The following NSMAF variants were observed in gnomAD, a reference collection of about 807,000 sequenced individuals.
NSMAF encodes neutral sphingomyelinase activation associated factor.
Under a neutral mutation model 134.9 loss-of-function variants are expected in NSMAF, and 90 were observed. That is an observed-to-expected ratio of 0.67 (90% CI 0.56 to 0.79). The LOEUF (loss-of-function observed/expected upper bound fraction) is 0.79, where lower values mean the gene tolerates loss of function less well. Among genes scored for constraint, NSMAF ranks in the 30% least tolerant of loss-of-function variants. The pLI is 0.00. For synonymous variants in NSMAF, 358 were observed against 389.6 expected, an observed-to-expected ratio of 0.92 and a Z score of 0.96; for missense variants, 1,010 against 1,119.0, an observed-to-expected ratio of 0.90 and a Z score of 1.39.
chr8:58,603,474 G>T, intron 12 of NSMAF, 88 bp from the exon 13 acceptor site: 1 of 1,215,110 alleles, frequency 8.2e-7, no homozygotes, highest in Non-Finnish European at 1.2e-6. Flanking sequence ...GACCATCCCT[G>T]TGCATTCTTG....
chr8:58,590,169 T>C, intron 24 of NSMAF, 95 bp from the exon 25 acceptor site: 4 of 1,042,912 alleles, frequency 3.8e-6, no homozygotes, highest in Non-Finnish European at 5.8e-6. Context: ...AAATTAATGC[T>C]CAAATCGTCT....
At chr8:58,587,529 A>T in intron 27 of NSMAF, 89 bp downstream of exon 27, 1 of 1,004,328 alleles carries the variant, frequency 1.0e-6, no homozygotes, top group Non-Finnish European at 1.5e-6. Context: ...ATAAAGCAAA[A>T]CAACATGAAC....
chr8:58,639,080 C>T (rs984054232), intron 2 of NSMAF, among the ~76,000 whole-genome samples: 11 of 151,980 alleles, frequency 7.2e-5, no homozygotes, highest in Admixed American at 5.2e-4. Flanking sequence ...ATCAGGAGAT[C>T]GACACCATCC....
intron 22 of NSMAF, chr8:58,594,597 T>C (rs888300395): frequency 2.7e-6 from 1 of 367,906 alleles, no homozygotes; most frequent in Non-Finnish European, 4.9e-6. Context: ...TCCCCCTCGT[T>C]TGACCATCAC....
At chr8:58,595,722 A>G (rs1034247601) in intron 21 of NSMAF, 63 bp from the exon 22 acceptor site, 3 of 933,840 alleles carry the variant, frequency 3.2e-6, no homozygotes, top group Non-Finnish European at 5.3e-6. Flanking sequence ...ACAGCATCAG[A>G]TTAACAATAT....
At chr8:58,634,975 A>T (rs907818414) in intron 5 of NSMAF, among the ~76,000 whole-genome samples, 2 of 152,214 alleles carry the variant, frequency 1.3e-5, no homozygotes, top group African/African-American at 4.8e-5. Flanking sequence ...CAAGGACAAA[A>T]CCGCAAGCCC....
At chr8:58,652,913 A>G (rs1807618525) in intron 1 of NSMAF, among the ~76,000 whole-genome samples, 1 of 152,234 alleles carries the variant, frequency 6.6e-6, no homozygotes, top group African/African-American at 2.4e-5. Flanking sequence ...GGAAAGAGAA[A>G]ATAATTCCGT....
chr8:58,583,835 C>T lies in NSMAF; in HGVS notation c.*271G>A. The T allele has an allele frequency of 2.3e-6, 1 of 425,590 alleles. No individual in the cohort carries two copies. Among genetic ancestry groups the T allele is most frequent in the Non-Finnish European group, 4.3e-6 (1 of 233,210 alleles). 26.4% of individuals were successfully genotyped at this position (425,590 alleles called of 1,614,324 possible). A position where few individuals can be genotyped will look rare whatever the true frequency, so the allele number is the denominator to read the frequency against. ...CTTAGCTATTCTCTGCTACTTAGTC[C>T]TGTCTTCTGACAATCATCATACGGG... On this transcript the variant is annotated 3_prime_UTR_variant, in exon 31 of 31. Transcript: ENST00000038176.
chr8:58,600,956 G>T (rs1371969441), intron 16 of NSMAF, among the ~76,000 whole-genome samples: 1 of 152,064 alleles, frequency 6.6e-6, no homozygotes, highest in East Asian at 1.9e-4. Flanking sequence ...GAGAAAAGAA[G>T]TTGACATAAA....
chr8:58,597,385 A>G lies in NSMAF; in HGVS notation c.1792+2T>C. On this transcript the variant is annotated splice_donor_variant, in intron 21 of 30. Coordinates refer to ENST00000038176, the MANE Select transcript of NSMAF (RefSeq NM_003580.4). LOFTEE classifies it high-confidence loss of function. ...CACGTTTATTCTCTTTACAAAATTT[A>G]CCTGGGGAATCTGCCATAGAAGCAT... The G allele has an allele frequency of 2.5e-6, 4 of 1,612,434 alleles. No individual in the cohort carries two copies. Among genetic ancestry groups the G allele is most frequent in the Non-Finnish European group, 3.4e-6 (4 of 1,179,242 alleles).
intron 1 of NSMAF, among the ~76,000 whole-genome samples, chr8:58,657,444 T>C (rs562880036): frequency 6.6e-6 from 1 of 150,640 alleles, no homozygotes; most frequent in Admixed American, 6.6e-5. Flanking sequence ...CTGGAGCCAA[T>C]GACGAATCCA....
intron 5 of NSMAF, among the ~76,000 whole-genome samples, chr8:58,634,559 C>T (rs1453533324): frequency 7.2e-5 from 11 of 152,206 alleles, no homozygotes; most frequent in Non-Finnish European, 1.6e-4. Flanking sequence ...GCAACATCTG[C>T]TAACCCTTTC....
chr8:58,659,760 TC>T lies in NSMAF; in HGVS notation c.-130del. The stretch of plus-strand genomic sequence containing the variant: ...GGAGCGCGCGGCTGCCGGCCTGGCT[TC>T]CCCTGCGGCGCCGCTGGGCGGCCGA... On this transcript the variant is annotated 5_prime_UTR_variant, in exon 1 of 31. Coordinates refer to ENST00000038176, the MANE Select transcript of NSMAF (RefSeq NM_003580.4). 1 of 654,144 alleles carries T rather than the reference TC, an allele frequency of 1.5e-6. No homozygotes were observed. Among genetic ancestry groups the T allele is most frequent in the Non-Finnish European group, 2.1e-6 (1 of 472,184 alleles). The allele number at this position is 654,144 out of a possible 1,614,324, so 40.5% of individuals were successfully genotyped here.
At chr8:58,585,396 G>A (rs968286625) in intron 30 of NSMAF, among the ~76,000 whole-genome samples, 3 of 150,182 alleles carry the variant, frequency 2.0e-5, no homozygotes, top group South Asian at 2.1e-4. Flanking sequence ...ATAGCTTTAC[G>A]ATGGTTTTTA....
At position 58,602,592 on chromosome 8, in the gene NSMAF, A is replaced by G. The variant is rs550124752; in HGVS notation, c.1046-455T>C. ...ACTTTATCATATTTCTAGAAAATCT[A>G]TTATCTCTTTCAAGGACAAAGGTTC... On this transcript the variant is annotated intron_variant, in intron 13 of 30. Transcript: ENST00000038176. Among the ~76,000 whole-genome samples, 3 of 152,296 alleles carry G rather than the reference A, an allele frequency of 2.0e-5. No homozygotes were observed. The South Asian group carries it at 6.2e-4, about 32-fold the overall frequency.
intron 12 of NSMAF, among the ~76,000 whole-genome samples, chr8:58,605,182 G>A (rs1806375749): frequency 6.6e-6 from 1 of 152,146 alleles, no homozygotes; most frequent in Admixed American, 6.5e-5. Context: ...CTCTGGCAAA[G>A]GTGGGAAAAT....
At chr8:58,619,421 C>G (rs1806733310) in intron 9 of NSMAF, among the ~76,000 whole-genome samples, 1 of 152,062 alleles carries the variant, frequency 6.6e-6, no homozygotes, top group African/African-American at 2.4e-5. Flanking sequence ...AATAAATGAA[C>G]CTATTTAACC....
chr8:58,656,033 G>T lies in NSMAF; in HGVS notation c.59+3540C>A, dbSNP rs368308778. Among the ~76,000 whole-genome samples, 1,145 of 151,238 alleles carry T rather than the reference G, an allele frequency of 7.6e-3. 19 individuals carry two copies. The highest frequency in any genetic ancestry group is 0.026 in the African/African-American group (1,076 of 40,992). On this transcript the variant is annotated intron_variant, in intron 1 of 30. Coordinates refer to ENST00000038176, the MANE Select transcript of NSMAF (RefSeq NM_003580.4). ...ATCTAAATCTTTTTTTTGTTTGTTT[G>T]TTTGAGATGGAGTCTCGCTCTGTCG...
chr8:58,623,829 C>T (rs758630422), intron 6 of NSMAF, 49 bp from the exon 7 acceptor site: 3 of 1,439,050 alleles, frequency 2.1e-6, no homozygotes, highest in East Asian at 4.5e-5. Context: ...AGAAGTGTGC[C>T]AAACTATGCT....
Sources: gnomAD v4.1 joint callset for allele counts (sites outside exome capture counted in the v4.1 genomes callset) on GRCh38, gnomAD v4.1.1 for gene constraint, MANE v1.5 for transcripts, NCBI Gene and HGNC (gene_info 2026-07-23, HGNC 2026-07-21) for gene names.